Variants in UBAP2 observed in about 807,000 individuals in gnomAD.
UBAP2 encodes the protein ubiquitin associated protein 2, also known as ubiquitin-associated protein 2.
Under a neutral mutation model 139.6 loss-of-function variants are expected in UBAP2, and 75 were observed. The ratio of observed to expected loss-of-function variants is 0.54; its 90% CI spans 0.45 to 0.65. The LOEUF (loss-of-function observed/expected upper bound fraction) is 0.65. Ranked by LOEUF, UBAP2 falls within the 30% of genes least tolerant of loss-of-function variation. The probability of loss-of-function intolerance (pLI) is 0.00; values close to 1 mark genes in which losing one functional copy is unlikely to be tolerated. For synonymous variants in UBAP2, 526 were observed against 526.2 expected, an observed-to-expected ratio of 1.00 and a Z score of 0.01; for missense variants, 1,368 against 1,369.6, an observed-to-expected ratio of 1.00 and a Z score of 0.02.
rs538232506 is a variant in UBAP2, at chr9:33,966,475, A to T, written c.680-2684T>A. On this transcript the variant is annotated intron_variant, in intron 8 of 28. Coordinates refer to ENST00000379238, the MANE Select transcript of UBAP2 (RefSeq NM_001370062.2). ...CATCTCGAAAAAAAATAAAATAAAA[A>T]AAAGAATCAAGTTGTCAAAAATCTG... Among the ~76,000 whole-genome samples, 9 of 152,188 alleles carry T rather than the reference A, an allele frequency of 5.9e-5. No homozygotes were observed. In the South Asian group the frequency reaches 1.0e-3, roughly 18 times the overall value.
chr9:33,939,584 C>A (rs555786700), intron 16 of UBAP2, among the ~76,000 whole-genome samples: 1 of 148,496 alleles, frequency 6.7e-6, no homozygotes, highest in African/African-American at 2.5e-5. Context: ...ATGATGAAAC[C>A]CCATCTCTAC....
At chr9:33,983,361 T>G (rs192310587) in intron 6 of UBAP2, among the ~76,000 whole-genome samples, 8 of 152,166 alleles carry the variant, frequency 5.3e-5, no homozygotes, top group Non-Finnish European at 1.2e-4. Flanking sequence ...TCATGAAGAT[T>G]TGACGATTTC....
At chr9:34,001,131 AGAT>A (rs1307577653) in intron 2 of UBAP2, among the ~76,000 whole-genome samples, 1 of 152,252 alleles carries the variant, frequency 6.6e-6, no homozygotes, top group Non-Finnish European at 1.5e-5. Flanking sequence ...GGTTTTTAAA[AGAT>A]GGCATTTCCA....
intron 6 of UBAP2, among the ~76,000 whole-genome samples, chr9:33,981,198 TA>T (rs1260370566): frequency 8.9e-5 from 4 of 45,062 alleles, no homozygotes; most frequent in Non-Finnish European, 1.4e-4. Context: ...TATATATATA[TA>T]TTCTGGATAT....
In UBAP2 at chr9:33,943,377, T is replaced by G. The variant is rs749111180; in HGVS notation, c.1715+43A>C. On this transcript the variant is annotated intron_variant, in intron 15 of 28. Coordinates refer to ENST00000379238, the MANE Select transcript of UBAP2 (RefSeq NM_001370062.2). The stretch of plus-strand genomic sequence containing the variant: ...ATTCTTTTCCACCAGTTGATCTCTC[T>G]TAGGGTCTATTTTGCTTCATAACAA... 3.1e-6 allele frequency: 5 copies of G among 1,598,178 alleles called. No individual in the cohort carries two copies. The East Asian group carries it at 1.1e-4, about 36-fold the overall frequency.
At chr9:33,932,128 C>T (rs962099395) in intron 19 of UBAP2, among the ~76,000 whole-genome samples, 2 of 152,102 alleles carry the variant, frequency 1.3e-5, no homozygotes, top group African/African-American at 4.8e-5. Context: ...TTAAAGCTGG[C>T]GCGCCGACTC....
intron 4 of UBAP2, chr9:33,995,543 A>ATATATATATT (rs1310871728): frequency 3.2e-5 from 4 of 123,678 alleles, no homozygotes; most frequent in Non-Finnish European, 6.7e-5. Context: ...ATATTATTAA[A>ATATATATATT]TATATTATTA....
At chr9:33,932,660 C>T (rs942243809) in intron 18 of UBAP2, 32 bp from the exon 19 acceptor site, 5 of 1,611,804 alleles carry the variant, frequency 3.1e-6, no homozygotes, top group Admixed American at 3.4e-5. Flanking sequence ...CGTATGTCCA[C>T]CTGAACAAGT....
chr9:33,989,422 C>T (rs749649081), intron 4 of UBAP2, among the ~76,000 whole-genome samples: 2 of 152,082 alleles, frequency 1.3e-5, no homozygotes, highest in Admixed American at 6.6e-5. Context: ...ATGATGGTCT[C>T]GATCTCCTGA....
At chr9:33,992,403 A>AG (rs1450705012) in intron 4 of UBAP2, among the ~76,000 whole-genome samples, 3 of 149,970 alleles carry the variant, frequency 2.0e-5, no homozygotes, top group Admixed American at 2.0e-4. Flanking sequence ...AAAAAAAAAA[A>AG]AAAAAAATTA....
rs561269413 is a variant in UBAP2, at chr9:33,923,339, G to A, written c.2896+40C>T. ...AGGCAAGTGTGAGCCAGGCAAGCCT[G>A]TCTAACCCCATGTGTCTCTGTCTGG... On this transcript the variant is annotated intron_variant, in intron 25 of 28. Coordinates refer to ENST00000379238, the MANE Select transcript of UBAP2 (RefSeq NM_001370062.2). 176 of 1,613,984 alleles carry A rather than the reference G, an allele frequency of 1.1e-4. 2 individuals are homozygous for A. The South Asian group carries it at 1.8e-3, about 17-fold the overall frequency.
chr9:33,942,366 T>C (rs1825300679), intron 15 of UBAP2, among the ~76,000 whole-genome samples: 1 of 151,844 alleles, frequency 6.6e-6, no homozygotes, highest in Non-Finnish European at 1.5e-5. Flanking sequence ...TTTGAGACCA[T>C]CTTTAAAAAG....
chr9:34,018,724 G>A (rs544065331), intron 1 of UBAP2, among the ~76,000 whole-genome samples: 6 of 151,624 alleles, frequency 4.0e-5, no homozygotes, highest in African/African-American at 9.7e-5. Flanking sequence ...TTAGCCAGGC[G>A]TAGTGGCGGG....
intron 9 of UBAP2, 69 bp from the exon 10 acceptor site, chr9:33,960,947 C>CT: frequency 6.7e-7 from 1 of 1,494,310 alleles, no homozygotes; most frequent in Non-Finnish European, 9.3e-7. Flanking sequence ...CAAATGATTC[C>CT]TTTTTGTGTA....
At chr9:33,926,434 G>A (rs1257782941) in intron 22 of UBAP2, among the ~76,000 whole-genome samples, 183 bp downstream of exon 22, 2 of 152,186 alleles carry the variant, frequency 1.3e-5, no homozygotes, top group African/African-American at 2.4e-5. Context: ...GATACTCTGT[G>A]CTAAAGCTAT....
intron 1 of UBAP2, among the ~76,000 whole-genome samples, chr9:34,043,050 AAAGC>A (rs1407273309): frequency 6.6e-6 from 1 of 152,162 alleles, no homozygotes; most frequent in Non-Finnish European, 1.5e-5. Flanking sequence ...CCTGGGCGAC[AAAGC>A]AAGACCCTGT....
chr9:33,989,075 A>T lies in UBAP2; in HGVS notation c.340T>A (p.Ser114Thr). The change falls in exon 5 of 29, where the codon TCA becomes ACA. Residue 114 changes from serine (S) to threonine (T), a missense_variant. Physicochemically the swap from Ser to Thr is moderately conservative, Grantham distance 58. Transcript: ENST00000379238. ...TTCTCTCTATTCTCTTTGTTTTCTG[A>T]ATTTTCTTTTGCAAAATTCTTTTTC... is the stretch of plus-strand genomic sequence containing the variant. Reference protein sequence around the residue: ...CKKKNFAKENSENKENREKKS... With the variant: ...CKKKNFAKENTENKENREKKS... 1 of 1,613,736 alleles carries T rather than the reference A, an allele frequency of 6.2e-7. No homozygotes were observed. Among genetic ancestry groups the T allele is most frequent in the South Asian group, 1.1e-5 (1 of 91,020 alleles).
At chr9:33,948,701 T>G in intron 12 of UBAP2, 114 bp from the exon 13 acceptor site, 1 of 786,956 alleles carries the variant, frequency 1.3e-6, no homozygotes. Context: ...CTAAAACATA[T>G]GAATTACTAA....
chr9:34,020,477 A>C (rs1270356512), intron 1 of UBAP2, among the ~76,000 whole-genome samples: 1 of 151,912 alleles, frequency 6.6e-6, no homozygotes, highest in Non-Finnish European at 1.5e-5. Flanking sequence ...GGCACGCGCC[A>C]CCATGCCCGG....
Sources: allele counts gnomAD v4.1 joint callset (sites outside exome capture counted in the v4.1 genomes callset), GRCh38; gene constraint gnomAD v4.1.1; transcripts MANE v1.5; gene names NCBI Gene and HGNC (gene_info 2026-07-23, HGNC 2026-07-21).